PMS1: variants seen among roughly 807,000 people sequenced by gnomAD.
The protein encoded by PMS1 is PMS1 protein homolog 1.
A neutral mutation model predicts 93.1 loss-of-function variants in PMS1; 79 were observed. The ratio of observed to expected loss-of-function variants is 0.85; its 90% confidence interval spans 0.71 to 1.02. The LOEUF is 1.02. Among genes scored for constraint, PMS1 ranks in the 50% least tolerant of loss-of-function variants. The pLI, the probability that PMS1 is intolerant of heterozygous loss-of-function variation, is 0.00. For synonymous variants in PMS1, 335 were observed against 363.4 expected, an observed-to-expected ratio of 0.92 and a Z score of 0.89; for missense variants, 1,064 against 1,085.3, an observed-to-expected ratio of 0.98 and a Z score of 0.28.
chr2:189,786,978 G>A (rs1300896203), intron 1 of PMS1, among the ~76,000 whole-genome samples: 3 of 152,118 alleles, frequency 2.0e-5, no homozygotes, highest in Non-Finnish European at 4.4e-5. Context: ...GCTTGAACCC[G>A]GGAGGTGGAG....
At chr2:189,789,764 C>T (rs1290614475) in intron 1 of PMS1, among the ~76,000 whole-genome samples, 1 of 152,160 alleles carries the variant, frequency 6.6e-6, no homozygotes, top group Non-Finnish European at 1.5e-5. Flanking sequence ...GAGCATGTAA[C>T]TAGTCATGGG....
At chr2:189,833,722 A>G (rs192729434) in intron 5 of PMS1, among the ~76,000 whole-genome samples, 8 of 152,288 alleles carry the variant, frequency 5.3e-5, no homozygotes, top group Admixed American at 1.3e-4. Context: ...AACCCCCCCT[A>G]CTTCCCTGCT....
chr2:189,805,983 A>G, intron 4 of PMS1: 1 of 1,379,020 alleles, frequency 7.3e-7, no homozygotes, highest in Non-Finnish European at 9.6e-7. Flanking sequence ...ACTTCCATGG[A>G]CTAGTTACTC....
chr2:189,813,481 T>C (rs1478672612), intron 4 of PMS1, among the ~76,000 whole-genome samples: 2 of 152,222 alleles, frequency 1.3e-5, no homozygotes, highest in Non-Finnish European at 2.9e-5. Flanking sequence ...TTGTGGCTTA[T>C]AATTAATGGC....
At chr2:189,811,281 GAAA>G (rs370077425) in intron 4 of PMS1, among the ~76,000 whole-genome samples, 1 of 113,700 alleles carries the variant, frequency 8.8e-6, no homozygotes, top group Admixed American at 9.5e-5. Flanking sequence ...AACAAAATCT[GAAA>G]AAAAAAAAAA....
In PMS1 at chr2:189,844,081, G is replaced by A; in HGVS notation, c.699+1G>A. Reference sequence around the variant, plus strand: ...TCAGTACCACTCTGAAGAATCTCAGGTATACTGCAAAAACATTCTCAGATA... The same window carrying A: ...TCAGTACCACTCTGAAGAATCTCAGATATACTGCAAAAACATTCTCAGATA... On this transcript the variant is annotated splice_donor_variant, in intron 6 of 12. Transcript: ENST00000441310. LOFTEE classifies it high-confidence loss of function. 1.9e-6 allele frequency: 3 copies of A among 1,613,460 alleles called. No homozygotes were observed. The highest frequency in any genetic ancestry group is 2.5e-6 in the Non-Finnish European group (3 of 1,179,872).
intron 6 of PMS1, among the ~76,000 whole-genome samples, chr2:189,846,669 C>T (rs1308718501): frequency 1.3e-5 from 2 of 152,068 alleles, no homozygotes; most frequent in African/African-American, 4.8e-5. Context: ...AGAAAGAGAC[C>T]GTGTCTCAAA....
chr2:189,875,947 C>A (rs2057523414), intron 12 of PMS1, among the ~76,000 whole-genome samples: 2 of 106,964 alleles, frequency 1.9e-5, no homozygotes, highest in African/African-American at 4.7e-5. Flanking sequence ...TAGAGCTAGA[C>A]TCTGTCTCAA....
chr2:189,841,111 G>C (rs1230024998), intron 5 of PMS1, among the ~76,000 whole-genome samples: 1 of 152,148 alleles, frequency 6.6e-6, no homozygotes, highest in Non-Finnish European at 1.5e-5. Context: ...TGAATGTTTA[G>C]AGCCAAAAAG....
chr2:189,818,286 C>T lies in PMS1; in HGVS notation c.582+106C>T, dbSNP rs2051503492. Reference sequence around the variant, plus strand: ...GGCTATGACTAAATGTTTGTGTGCCCTCACAAAATTTATTTGTTGAAAACC... The same window carrying T: ...GGCTATGACTAAATGTTTGTGTGCCTTCACAAAATTTATTTGTTGAAAACC... On this transcript the variant is annotated intron_variant, in intron 5 of 12. Coordinates refer to ENST00000441310, the MANE Select transcript of PMS1 (RefSeq NM_000534.5). The T allele has an allele frequency of 9.2e-6, 7 of 758,634 alleles. No homozygotes were observed. The South Asian group carries it at 1.2e-4, about 13-fold the overall frequency. The allele number at this position is 758,634 out of a possible 1,614,324, so 47.0% of individuals were successfully genotyped here.
intron 5 of PMS1, among the ~76,000 whole-genome samples, chr2:189,835,906 C>CAA (rs3067429): frequency 0.15 from 13,048 of 86,718 alleles, 778 homozygotes; most frequent in Middle Eastern, 0.23. Flanking sequence ...TAGCCTGTCT[C>CAA]AAAAAAAAAA....
intron 4 of PMS1, 194 bp downstream of exon 4, chr2:189,805,948 A>G (rs111607579): frequency 5.3e-6 from 8 of 1,495,946 alleles, no homozygotes; most frequent in East Asian, 4.9e-5. Context: ...ATTGTTCTCA[A>G]AAGGAACTGT....
intron 9 of PMS1, among the ~76,000 whole-genome samples, chr2:189,856,500 A>G (rs2055354842): frequency 1.3e-5 from 2 of 152,160 alleles, no homozygotes; most frequent in Non-Finnish European, 2.9e-5. Context: ...CATAAATGTC[A>G]GATTTTTAAA....
intron 3 of PMS1, among the ~76,000 whole-genome samples, chr2:189,799,234 G>A (rs1014365604): frequency 6.6e-6 from 1 of 152,180 alleles, no homozygotes; most frequent in African/African-American, 2.4e-5. Context: ...AAAAATGTTT[G>A]CAATGCCAAG....
intron 1 of PMS1, among the ~76,000 whole-genome samples, chr2:189,785,164 A>T: frequency 6.6e-6 from 1 of 152,338 alleles, no homozygotes; most frequent in Admixed American, 6.5e-5. Context: ...TATTGCCGAA[A>T]TAGCTTTCAA....
At chr2:189,833,828 G>T (rs1233242) in intron 5 of PMS1, among the ~76,000 whole-genome samples, 1 of 152,190 alleles carries the variant, frequency 6.6e-6, no homozygotes, top group Non-Finnish European at 1.5e-5. Flanking sequence ...TTTGTTATAG[G>T]AAGTGCTTTA....
chr2:189,789,102 A>C (rs2048619506), intron 1 of PMS1, among the ~76,000 whole-genome samples: 1 of 152,224 alleles, frequency 6.6e-6, no homozygotes, highest in African/African-American at 2.4e-5. Flanking sequence ...CCCCAAAACT[A>C]AATCAAATAT....
chr2:189,839,375 A>G (rs2053641838), intron 5 of PMS1, among the ~76,000 whole-genome samples: 1 of 152,188 alleles, frequency 6.6e-6, no homozygotes, highest in South Asian at 2.1e-4. Context: ...TCTAATATCT[A>G]TCTCTGATCA....
In PMS1 at chr2:189,853,471, A is replaced by G. The variant is rs562191176; in HGVS notation, c.823-468A>G. Among the ~76,000 whole-genome samples the G allele has an allele frequency of 2.6e-5, 4 of 151,186 alleles. No homozygotes were observed. The South Asian group carries it at 8.4e-4, about 32-fold the overall frequency. ...AATGCTTGTGCTTCATTTAGGTTCA[A>G]GGCCTCCAAAGGAGTATTACAGATA... On this transcript the variant is annotated intron_variant, in intron 7 of 12. Coordinates refer to ENST00000441310, the MANE Select transcript of PMS1 (RefSeq NM_000534.5).
Sources: gnomAD v4.1 joint callset for allele counts (sites outside exome capture counted in the v4.1 genomes callset) on GRCh38, gnomAD v4.1.1 for gene constraint, MANE v1.5 for transcripts, NCBI Gene and HGNC (gene_info 2026-07-23, HGNC 2026-07-21) for gene names.